The following WAPL variants were observed in gnomAD, a reference collection of about 807,000 sequenced individuals.
WAPL encodes the protein WAPL cohesin release factor.
A neutral mutation model predicts 121.0 loss-of-function variants in WAPL; 5 were observed. That is an observed-to-expected ratio of 0.04 (90% CI 0.02 to 0.09). WAPL has a LOEUF of 0.09. WAPL is among the 10% of genes least tolerant of loss of function. The pLI is 1.00. For synonymous variants in WAPL, 480 were observed against 481.5 expected (o/e 1.00, Z 0.04); for missense variants, 999 against 1,410.8 (o/e 0.71, Z 4.68).
intron 17 of WAPL, among the ~76,000 whole-genome samples, chr10:86,438,787 A>G (rs1849389804): frequency 6.6e-6 from 1 of 152,224 alleles, no homozygotes; most frequent in Non-Finnish European, 1.5e-5. Context: ...ATCTTTCCAA[A>G]GGCAATCTAA....
rs1554826526 is a variant in WAPL, at chr10:86,452,149, G to C, written c.2950-18C>G. ...CCTAAGCCCTTCAAAAAGTTTAAAA[G>C]ACACATATTATCAGAGATGAGTACT... On this transcript the variant is annotated intron_variant, in intron 14 of 18. Coordinates refer to ENST00000298767, the MANE Select transcript of WAPL (RefSeq NM_015045.5). 1.4e-5 allele frequency: 23 copies of C among 1,609,968 alleles called. No individual in the cohort carries two copies. The highest frequency in any genetic ancestry group is 1.1e-5 in the South Asian group (1 of 90,634).
intron 9 of WAPL, among the ~76,000 whole-genome samples, chr10:86,466,112 G>A (rs959196543): frequency 6.6e-6 from 1 of 152,142 alleles, no homozygotes; most frequent in African/African-American, 2.4e-5. Flanking sequence ...GCATTGTGAT[G>A]AGCATTAAGA....
At chr10:86,480,097 T>C (rs1841748350) in intron 4 of WAPL, among the ~76,000 whole-genome samples, 1 of 152,172 alleles carries the variant, frequency 6.6e-6, no homozygotes, top group Non-Finnish European at 1.5e-5. Flanking sequence ...TATCAAGAAT[T>C]AGAAATTGTA....
At chr10:86,517,409 G>A (rs953528149) in intron 2 of WAPL, among the ~76,000 whole-genome samples, 162 bp downstream of exon 2, 18 of 152,128 alleles carry the variant, frequency 1.2e-4, no homozygotes, top group Non-Finnish European at 2.4e-4. Context: ...CCTCCAACTG[G>A]TTTCTTTAAA....
intron 4 of WAPL, among the ~76,000 whole-genome samples, chr10:86,480,629 A>G (rs1418296057): frequency 4.2e-5 from 2 of 47,478 alleles, no homozygotes; most frequent in Non-Finnish European, 1.1e-4. Context: ...GAAGCTATAA[A>G]TATCTTGAGA....
At chr10:86,470,370 T>G (rs1841509634) in intron 8 of WAPL, among the ~76,000 whole-genome samples, 2 of 152,186 alleles carry the variant, frequency 1.3e-5, no homozygotes, top group South Asian at 4.1e-4. Flanking sequence ...TCACCTAATC[T>G]GTATTTAGAA....
chr10:86,511,306 T>TA (rs1266149073), intron 2 of WAPL, among the ~76,000 whole-genome samples: 1 of 152,102 alleles, frequency 6.6e-6, no homozygotes, highest in African/African-American at 2.4e-5. Flanking sequence ...TCTTTAAAAT[T>TA]AAAAAAAGCA....
Position 86,460,639 on chromosome 10 carries a change from T to C in WAPL, c.2483-143A>G, listed in dbSNP as rs955179683. The C allele has an allele frequency of 1.8e-5, 11 of 621,884 alleles. No homozygotes were observed. In the African/African-American group the frequency reaches 1.9e-4, roughly 11 times the overall value. The allele number at this position is 621,884 out of a possible 1,614,324, so 38.5% of individuals were successfully genotyped here. A position where few individuals can be genotyped will look rare whatever the true frequency, so the allele number is the denominator to read the frequency against. ...TGAACATTTTTTATTCTAGGTTTCATACTGTGAGATTTTGAAATGCATACT... is the reference window on the plus strand; with the variant it reads ...TGAACATTTTTTATTCTAGGTTTCACACTGTGAGATTTTGAAATGCATACT... On this transcript the variant is annotated intron_variant, in intron 10 of 18. Coordinates refer to ENST00000298767, the MANE Select transcript of WAPL (RefSeq NM_015045.5).
Position 86,521,718 on chromosome 10 carries a change from G to C in WAPL, c.-376C>G. 1 of 457,976 alleles carries C rather than the reference G, an allele frequency of 2.2e-6. No homozygotes were observed. The highest frequency in any genetic ancestry group is 4.5e-6 in the Non-Finnish European group (1 of 221,976). The allele number at this position is 457,976 out of a possible 1,614,324, so 28.4% of individuals were successfully genotyped here. On this transcript the variant is annotated 5_prime_UTR_variant, in exon 1 of 19. Transcript: ENST00000298767. ...ATGGTCAGTGCTGGAGTTTGAACAG[G>C]GCCCTGAACCATCTCAACGCCATTT... is the stretch of plus-strand genomic sequence containing the variant.
chr10:86,481,283 G>T (rs1380152169), intron 4 of WAPL, among the ~76,000 whole-genome samples: 3 of 152,078 alleles, frequency 2.0e-5, no homozygotes, highest in Non-Finnish European at 4.4e-5. Context: ...AGATCTACAT[G>T]AACTGATAGT....
At chr10:86,480,809 C>T (rs1353693454) in intron 4 of WAPL, among the ~76,000 whole-genome samples, 1 of 152,178 alleles carries the variant, frequency 6.6e-6, no homozygotes. Context: ...CCTTCTGGGT[C>T]CTGGCTTCTA....
chr10:86,488,504 C>T (rs1025778538), intron 4 of WAPL: 5 of 152,116 alleles, frequency 3.3e-5, no homozygotes, highest in African/African-American at 1.2e-4. Context: ...TAGCATGACC[C>T]CTGCACAAGG....
intron 2 of WAPL, among the ~76,000 whole-genome samples, chr10:86,511,920 A>AAAAAAT (rs560933356): frequency 1.8e-4 from 22 of 123,994 alleles, no homozygotes; most frequent in East Asian, 8.7e-4. Flanking sequence ...CCCTGTCTCC[A>AAAAAAT]AAAAATAAAA....
At chr10:86,496,505 CA>C (rs1842153244) in intron 4 of WAPL, among the ~76,000 whole-genome samples, 2 of 152,118 alleles carry the variant, frequency 1.3e-5, no homozygotes, top group East Asian at 3.9e-4. Context: ...TTCACAGCAG[CA>C]TTATTCACAG....
intron 14 of WAPL, among the ~76,000 whole-genome samples, chr10:86,452,910 C>A (rs1189133926): frequency 2.7e-5 from 4 of 150,188 alleles, no homozygotes; most frequent in Non-Finnish European, 4.4e-5. Flanking sequence ...CGTGGTGGCA[C>A]ATGCCTACAG....
chr10:86,458,774 T>C (rs866297566), intron 12 of WAPL, among the ~76,000 whole-genome samples: 1 of 152,202 alleles, frequency 6.6e-6, no homozygotes, highest in South Asian at 2.1e-4. Flanking sequence ...TTACAAAAGT[T>C]ATACAGCTGA....
intron 4 of WAPL, among the ~76,000 whole-genome samples, chr10:86,483,827 C>T (rs1286401807): frequency 9.1e-6 from 1 of 110,394 alleles, no homozygotes; most frequent in Non-Finnish European, 1.7e-5. Flanking sequence ...GGCAGTCTCA[C>T]TCTGTTGCCC....
At chr10:86,513,635 T>A (rs1447384839) in intron 2 of WAPL, among the ~76,000 whole-genome samples, 4 of 152,162 alleles carry the variant, frequency 2.6e-5, no homozygotes, top group Non-Finnish European at 5.9e-5. Flanking sequence ...AAAAGTACTA[T>A]CCGTTATAAA....
intron 9 of WAPL, 26 bp from the exon 10 acceptor site, chr10:86,461,313 A>G: frequency 6.4e-7 from 1 of 1,555,184 alleles, no homozygotes; most frequent in Non-Finnish European, 8.8e-7. Context: ...ATCATTAATG[A>G]ATATCAACTT....
Sources: gnomAD v4.1 joint callset for allele counts (sites outside exome capture counted in the v4.1 genomes callset) on GRCh38, gnomAD v4.1.1 for gene constraint, MANE v1.5 for transcripts, NCBI Gene and HGNC (gene_info 2026-07-23, HGNC 2026-07-21) for gene names.